Variants in DPH6 observed in about 807,000 individuals in gnomAD.
DPH6 encodes the protein diphthamine biosynthesis 6, also known as diphthine--ammonia ligase.
A neutral mutation model predicts 38.2 loss-of-function variants in DPH6; 33 were observed. That is an observed-to-expected ratio of 0.86 (90% CI 0.65 to 1.15). The LOEUF is 1.15. Ranked by LOEUF, DPH6 falls within the 50% of genes most tolerant of loss-of-function variation. The pLI is 0.00. For synonymous variants in DPH6, 108 were observed against 103.0 expected, an observed-to-expected ratio of 1.05 and a Z score of -0.30; for missense variants, 325 against 320.0, an observed-to-expected ratio of 1.02 and a Z score of -0.12.
At chr15:35,274,438 TATC>T (rs2051843888) in intron 3 of DPH6, among the ~76,000 whole-genome samples, 1 of 152,006 alleles carries the variant, frequency 6.6e-6, no homozygotes, top group Admixed American at 6.6e-5. Context: ...CAAAAGAAAC[TATC>T]ATCAGAGTGA....
intron 3 of DPH6, among the ~76,000 whole-genome samples, chr15:35,247,355 G>T (rs2051644024): frequency 6.6e-6 from 1 of 152,156 alleles, no homozygotes; most frequent in Non-Finnish European, 1.5e-5. Context: ...AAATTTCACT[G>T]TACCTAGCAA....
chr15:35,401,475 A>G lies in DPH6; in HGVS notation c.567+9360T>C, dbSNP rs541741592. On this transcript the variant is annotated intron_variant, in intron 6 of 8. Coordinates refer to ENST00000256538, the MANE Select transcript of DPH6 (RefSeq NM_080650.4). The stretch of plus-strand genomic sequence containing the variant: ...ATGGAAGTGGTGGACAGGGTTATGG[A>G]AACCAGGGCAGTGGCTATGGCAGGA... 3.9e-6 allele frequency: 3 copies of G among 772,624 alleles called. No individual in the cohort carries two copies. In the African/African-American group the frequency reaches 5.1e-5, roughly 13 times the overall value. 47.9% of individuals were successfully genotyped at this position (772,624 alleles called of 1,614,324 possible).
chr15:35,316,297 C>T (rs568219490), intron 3 of DPH6, among the ~76,000 whole-genome samples: 6 of 152,088 alleles, frequency 3.9e-5, no homozygotes, highest in African/African-American at 1.4e-4. Context: ...TTTACATGTA[C>T]CCCAAAACTA....
chr15:35,488,777 G>A (rs1271929381), intron 3 of DPH6, among the ~76,000 whole-genome samples: 1 of 152,096 alleles, frequency 6.6e-6, no homozygotes, highest in Non-Finnish European at 1.5e-5. Context: ...AAATGATGAG[G>A]AAAGGAAATT....
chr15:35,175,907 T>C, the DPH6 span, among the ~76,000 whole-genome samples: 2 of 152,338 alleles, frequency 1.3e-5, no homozygotes, highest in African/African-American at 4.8e-5. Context: ...ACTAGGGTAC[T>C]GTTTAGAAAA....
chr15:35,521,786 T>C, intron 3 of DPH6: 1 of 1,239,008 alleles, frequency 8.1e-7, no homozygotes, highest in Non-Finnish European at 1.0e-6. Context: ...TTGATTCATA[T>C]ACAAGCATTT....
intron 3 of DPH6, among the ~76,000 whole-genome samples, chr15:35,311,080 C>CAACAAA (rs1555392422): frequency 6.4e-4 from 86 of 134,298 alleles, no homozygotes; most frequent in African/African-American, 2.3e-3. Context: ...ACAACAACAA[C>CAACAAA]AAAAAAAAAA....
intron 3 of DPH6, among the ~76,000 whole-genome samples, chr15:35,319,948 T>G (rs185457703): frequency 4.6e-5 from 7 of 152,212 alleles, no homozygotes; most frequent in African/African-American, 1.4e-4. Flanking sequence ...GAAATGATGT[T>G]AAGCATAACA....
intron 3 of DPH6, among the ~76,000 whole-genome samples, chr15:35,318,051 C>G (rs1262908049): frequency 6.6e-6 from 1 of 151,816 alleles, no homozygotes; most frequent in Non-Finnish European, 1.5e-5. Flanking sequence ...AGTATAAACA[C>G]AAATATATCA....
Position 35,454,625 on chromosome 15 carries a change from A to G in DPH6, c.386+122T>C, listed in dbSNP as rs891556790. ...GTTACTTAGGTAAATACACACATTT[A>G]GTTCCATGGAGCACGTAGACTACCA... On this transcript the variant is annotated intron_variant, in intron 4 of 8. Transcript: ENST00000256538. 8 of 741,188 alleles carry G rather than the reference A, an allele frequency of 1.1e-5. No individual in the cohort carries two copies. The Admixed American group carries it at 2.7e-4, about 25-fold the overall frequency. 45.9% of individuals were successfully genotyped at this position (741,188 alleles called of 1,614,324 possible). A position where few individuals can be genotyped will look rare whatever the true frequency, so the allele number is the denominator to read the frequency against.
At chr15:35,208,314 C>T in the DPH6 span, among the ~76,000 whole-genome samples, 5 of 152,122 alleles carry the variant, frequency 3.3e-5, no homozygotes, top group Admixed American at 2.0e-4. Context: ...CTCTATCAAT[C>T]GAAGAAAGCA....
chr15:35,236,828 C>G (rs1054933283), intron 3 of DPH6, among the ~76,000 whole-genome samples: 1 of 152,070 alleles, frequency 6.6e-6, no homozygotes, highest in Non-Finnish European at 1.5e-5. Flanking sequence ...AATCTGTAAT[C>G]TGGAAGTTAT....
At chr15:35,467,843 C>T (rs1209704248) in intron 3 of DPH6, among the ~76,000 whole-genome samples, 1 of 152,118 alleles carries the variant, frequency 6.6e-6, no homozygotes, top group Admixed American at 6.6e-5. Flanking sequence ...GTCATTGTAG[C>T]AGATTTGTTT....
chr15:35,380,714 C>G (rs2052853751), intron 7 of DPH6, among the ~76,000 whole-genome samples: 1 of 152,090 alleles, frequency 6.6e-6, no homozygotes, highest in Non-Finnish European at 1.5e-5. Flanking sequence ...TTGGGATCAT[C>G]ATGGGCAAAA....
chr15:35,227,435 G>C (rs1042119248), intron 3 of DPH6, among the ~76,000 whole-genome samples: 6 of 151,612 alleles, frequency 4.0e-5, no homozygotes, highest in Admixed American at 1.3e-4. Context: ...CACCCATCTC[G>C]GCCTCCCAAA....
intron 6 of DPH6, among the ~76,000 whole-genome samples, chr15:35,397,402 C>T (rs979782477): frequency 2.6e-5 from 4 of 152,202 alleles, no homozygotes; most frequent in Non-Finnish European, 4.4e-5. Flanking sequence ...AGAATAACTG[C>T]TACTGATAAA....
intron 3 of DPH6, among the ~76,000 whole-genome samples, chr15:35,260,062 G>A (rs1329113829): frequency 6.6e-6 from 1 of 152,070 alleles, no homozygotes; most frequent in Non-Finnish European, 1.5e-5. Context: ...CAATGTTCAT[G>A]CCACCATGCA....
At chr15:35,358,773 T>A (rs1177186259) in intron 3 of DPH6, among the ~76,000 whole-genome samples, 4 of 152,188 alleles carry the variant, frequency 2.6e-5, no homozygotes, top group Non-Finnish European at 4.4e-5. Context: ...CCAACACCTG[T>A]TCTGGTGGAG....
the DPH6 span, among the ~76,000 whole-genome samples, chr15:35,157,121 A>G: frequency 6.6e-6 from 1 of 152,308 alleles, no homozygotes; most frequent in African/African-American, 2.4e-5. Context: ...GCAGATTGTT[A>G]GGCCTTAAAA....
Sources: gnomAD v4.1 joint callset for allele counts (sites outside exome capture counted in the v4.1 genomes callset) on GRCh38, gnomAD v4.1.1 for gene constraint, MANE v1.5 for transcripts, NCBI Gene and HGNC (gene_info 2026-07-23, HGNC 2026-07-21) for gene names.